Variants in NHSL2 observed in about 807,000 individuals in gnomAD.
NHSL2 encodes the protein NHS-like protein 2.
A neutral mutation model predicts 53.4 loss-of-function variants in NHSL2; 27 were observed. The observed-to-expected ratio is 0.51, with a 90% CI of 0.37 to 0.70. NHSL2 has a LOEUF of 0.70. Among genes scored for constraint, NHSL2 ranks in the 30% least tolerant of loss-of-function variants. NHSL2 has a pLI of 0.00. For missense variants in NHSL2, 892 were observed against 980.1 expected (o/e 0.91, Z 1.20); for synonymous variants, 408 against 404.1 (o/e 1.01, Z -0.12).
chrX:71,966,491 T>C (rs956239875), intron 1 of NHSL2, among the ~76,000 whole-genome samples: 1 of 111,935 alleles, frequency 8.9e-6, no homozygotes, highest in Non-Finnish European at 1.9e-5. Flanking sequence ...CTAAGAGTTT[T>C]TATCATGAAT....
intron 1 of NHSL2, among the ~76,000 whole-genome samples, chrX:71,996,696 T>G (rs1441404338): frequency 1.8e-5 from 2 of 112,516 alleles, no homozygotes; most frequent in African/African-American, 6.5e-5. Context: ...CAAGGTCCCA[T>G]GCAGGACCTC....
chrX:71,957,104 G>A (rs1411715733), intron 1 of NHSL2, among the ~76,000 whole-genome samples: 1 of 112,051 alleles, frequency 8.9e-6, no homozygotes, highest in Non-Finnish European at 1.9e-5. Flanking sequence ...TACCAGGTAC[G>A]GACAAATGTT....
chrX:71,994,104 A>C (rs2042039333), intron 1 of NHSL2, among the ~76,000 whole-genome samples: 1 of 111,692 alleles, frequency 9.0e-6, no homozygotes, highest in Admixed American at 9.5e-5. Context: ...CTGATCCCTT[A>C]GTATCTATTG....
At chrX:71,983,086 T>A (rs753447848) in intron 1 of NHSL2, among the ~76,000 whole-genome samples, 39 of 111,362 alleles carry the variant, frequency 3.5e-4, no homozygotes, top group Non-Finnish European at 6.8e-4. Flanking sequence ...GATTGCTTAT[T>A]TGGCGAATGG....
intron 1 of NHSL2, among the ~76,000 whole-genome samples, chrX:71,988,324 A>G (rs2042011978): frequency 8.9e-6 from 1 of 111,745 alleles, no homozygotes. Flanking sequence ...CCCCATGTCC[A>G]ATGATCCTGT....
At chrX:71,958,678 C>G (rs2041854267) in intron 1 of NHSL2, among the ~76,000 whole-genome samples, 1 of 112,384 alleles carries the variant, frequency 8.9e-6, no homozygotes, top group Non-Finnish European at 1.9e-5. Context: ...TTTCTCTTCT[C>G]TCTGCCTCTT....
At chrX:72,106,036 C>T (rs1295064196) in intron 1 of NHSL2, among the ~76,000 whole-genome samples, 2 of 110,480 alleles carry the variant, frequency 1.8e-5, no homozygotes, top group African/African-American at 6.6e-5. Flanking sequence ...AGTGAAACCC[C>T]GTCTCTACTA....
intron 1 of NHSL2, among the ~76,000 whole-genome samples, chrX:71,913,999 A>G (rs2041616467): frequency 8.9e-6 from 1 of 112,828 alleles, no homozygotes; most frequent in African/African-American, 3.2e-5. Context: ...CACCCACTCC[A>G]CTGAAGGCTG....
At chrX:72,130,613 T>G in intron 1 of NHSL2, 1 of 1,211,830 alleles carries the variant, frequency 8.3e-7, no homozygotes, top group Non-Finnish European at 1.1e-6. Flanking sequence ...ACGCGCACTT[T>G]TCTTTCTATC....
intron 1 of NHSL2, among the ~76,000 whole-genome samples, chrX:72,072,191 A>G (rs1164263537): frequency 1.8e-5 from 2 of 112,944 alleles, no homozygotes; most frequent in Admixed American, 9.3e-5. Context: ...TTCTGTATAT[A>G]TTTTAATGTG....
In NHSL2 at chrX:72,130,288, C is replaced by A. The variant is rs182079718; in HGVS notation, c.281-1791C>A. On this transcript the variant is annotated intron_variant, in intron 1 of 7. Coordinates refer to ENST00000633930, the MANE Select transcript of NHSL2 (RefSeq NM_001013627.3). ...TTCATCTTCTTCATCCTTACTCTCT[C>A]CTTCCTCCTCATTCTTGTTCCTTAT... 45 of 1,194,220 alleles carry A rather than the reference C, an allele frequency of 3.8e-5. No individual in the cohort carries two copies. The African/African-American group carries it at 7.9e-4, about 21-fold the overall frequency.
At chrX:72,103,356 G>A (rs1236141625) in intron 1 of NHSL2, among the ~76,000 whole-genome samples, 4 of 112,031 alleles carry the variant, frequency 3.6e-5, no homozygotes, top group Non-Finnish European at 7.5e-5. Flanking sequence ...CTCTGCCTCC[G>A]TTGCTGGCAC....
chrX:72,074,164 C>T (rs766307691), intron 1 of NHSL2, among the ~76,000 whole-genome samples: 7 of 112,471 alleles, frequency 6.2e-5, no homozygotes, highest in Non-Finnish European at 1.1e-4. Context: ...ACTGTAAATA[C>T]GGTGGCCTGT....
rs908045062 is a variant in NHSL2 at position 72,045,496 on chromosome X, G to A, written c.281-86583G>A. On this transcript the variant is annotated intron_variant, in intron 1 of 7. Coordinates refer to ENST00000633930, the MANE Select transcript of NHSL2 (RefSeq NM_001013627.3). Reference sequence around the variant, plus strand: ...CTCGTGGCAGGGGTGGAGGGGTGGTGGGAGGTGGGAGGCCCCCGTGGCCTC... The same window carrying A: ...CTCGTGGCAGGGGTGGAGGGGTGGTAGGAGGTGGGAGGCCCCCGTGGCCTC... 2.7e-5 allele frequency among the ~76,000 whole-genome samples: 3 copies of A among 111,421 alleles called. No individual in the cohort carries two copies. The Admixed American group carries it at 2.8e-4, about 10-fold the overall frequency.
chrX:71,929,758 T>G (rs757823557), intron 1 of NHSL2, among the ~76,000 whole-genome samples: 2 of 110,518 alleles, frequency 1.8e-5, no homozygotes, highest in African/African-American at 3.3e-5. Flanking sequence ...CTTTTTTTTT[T>G]CTTTTTGGCG....
At chrX:72,048,556 A>G (rs1372287712) in intron 1 of NHSL2, among the ~76,000 whole-genome samples, 4 of 109,798 alleles carry the variant, frequency 3.6e-5, no homozygotes, top group African/African-American at 6.7e-5. Context: ...CTGATGCTCT[A>G]TCCCCACTGT....
At chrX:72,105,538 C>T (rs1249812595) in intron 1 of NHSL2, among the ~76,000 whole-genome samples, 4 of 111,505 alleles carry the variant, frequency 3.6e-5, no homozygotes, top group Non-Finnish European at 7.5e-5. Context: ...TGGAGGGAAC[C>T]GTGCCGTTGT....
Position 72,139,289 on chromosome X carries a change from G to A in NHSL2, c.1741G>A (p.Glu581Lys). Residue 581 changes from glutamate to lysine, a missense_variant, in exon 6 of 8, where the codon GAG (glutamate) becomes AAG (lysine). Transcript: ENST00000633930. ...PTRSVSLVKD[E>K]PGLLPEGGSA... Reference sequence around the variant, plus strand: ...ACGCAGTGTCTCACTGGTCAAAGATGAGCCAGGCCTCTTGCCTGAAGGTGG... The same window carrying A: ...ACGCAGTGTCTCACTGGTCAAAGATAAGCCAGGCCTCTTGCCTGAAGGTGG... The A allele has an allele frequency of 8.3e-7, 1 of 1,205,402 alleles. No homozygotes were observed. The highest frequency in any genetic ancestry group is 2.3e-4 in the Middle Eastern group (1 of 4,350).
intron 1 of NHSL2, among the ~76,000 whole-genome samples, chrX:72,084,611 G>A (rs2041820180): frequency 8.9e-6 from 1 of 112,029 alleles, no homozygotes; most frequent in African/African-American, 3.2e-5. Flanking sequence ...GTCTGAGGAG[G>A]TAGCTGGGCA....
Sources: allele counts gnomAD v4.1 joint callset (sites outside exome capture counted in the v4.1 genomes callset), GRCh38; gene constraint gnomAD v4.1.1; transcripts MANE v1.5; gene names NCBI Gene and HGNC (gene_info 2026-07-23, HGNC 2026-07-21).